ROR1: variants seen among roughly 807,000 people sequenced by gnomAD.
ROR1 encodes the protein inactive tyrosine-protein kinase transmembrane receptor ROR1.
In ROR1, 19 loss-of-function variants were observed where a neutral mutation model predicts 78.8. The observed-to-expected ratio is 0.24, with a 90% CI of 0.17 to 0.35. The LOEUF (loss-of-function observed/expected upper bound fraction) is 0.35, where lower values mean the gene tolerates loss of function less well. Ranked by LOEUF, ROR1 falls within the 10% of genes least tolerant of loss-of-function variation. The probability of loss-of-function intolerance (pLI) is 1.00; values close to 1 mark genes in which losing one functional copy is unlikely to be tolerated. For missense variants in ROR1, 917 were observed against 1,177.8 expected (o/e 0.78, Z 3.24); for synonymous variants, 386 against 433.6 (o/e 0.89, Z 1.36).
intron 4 of ROR1, chr1:64,094,565 GTTGTTTTTGTTTTGTT>G (rs1647247232): frequency 8.3e-6 from 1 of 120,024 alleles, no homozygotes; most frequent in Admixed American, 8.7e-5. Context: ...TGTGTGTTTT[GTTGTTTTTGTTTTGTT>G]TTGTTTTGTT....
At chr1:64,118,504 G>A (rs535278956) in intron 4 of ROR1, among the ~76,000 whole-genome samples, 55 of 151,972 alleles carry the variant, frequency 3.6e-4, no homozygotes, top group African/African-American at 1.1e-3. Context: ...GTGCATGCCT[G>A]TAATCCCAGC....
At chr1:64,067,530 C>T (rs1646967209) in intron 4 of ROR1, among the ~76,000 whole-genome samples, 1 of 149,566 alleles carries the variant, frequency 6.7e-6, no homozygotes, top group Admixed American at 6.7e-5. Flanking sequence ...GGTTCACATT[C>T]CCAAGTTATT....
intron 7 of ROR1, among the ~76,000 whole-genome samples, chr1:64,158,657 C>T (rs1054688303): frequency 5.3e-5 from 8 of 152,248 alleles, no homozygotes; most frequent in Admixed American, 2.0e-4. Context: ...ATTCACGTGG[C>T]GTTTAACTTT....
intron 4 of ROR1, among the ~76,000 whole-genome samples, chr1:64,108,060 TTGTGTGTGTGTGTGTGTGTGTG>T (rs3084945): frequency 4.1e-5 from 6 of 146,540 alleles, no homozygotes; most frequent in Admixed American, 3.4e-4. Context: ...TGTTTTCTTG[TTGTGTGTGTGTGTGTGTGTGTG>T]TGTGTGTGTG....
intron 1 of ROR1, among the ~76,000 whole-genome samples, chr1:63,903,070 C>T (rs1248610932): frequency 2.0e-5 from 3 of 152,178 alleles, no homozygotes; most frequent in Admixed American, 6.5e-5. Context: ...CACATGACCA[C>T]CCTCAGCTGC....
chr1:64,156,483 C>T (rs979610872), intron 7 of ROR1, among the ~76,000 whole-genome samples: 44 of 151,964 alleles, frequency 2.9e-4, no homozygotes, highest in African/African-American at 1.0e-3. Flanking sequence ...CCGAGGCAGG[C>T]GGATCACGAG....
intron 2 of ROR1, among the ~76,000 whole-genome samples, chr1:64,048,606 G>T (rs1397798968): frequency 6.6e-6 from 1 of 152,092 alleles, no homozygotes; most frequent in Non-Finnish European, 1.5e-5. Flanking sequence ...GTTTTTAAAA[G>T]AAATCAAACT....
At chr1:64,105,189 G>T (rs1647745690) in intron 4 of ROR1, 1 of 152,060 alleles carries the variant, frequency 6.6e-6, no homozygotes, top group Non-Finnish European at 1.5e-5. Context: ...TTGTGATTTT[G>T]ATTTGCATTT....
In ROR1 at chr1:64,013,189, G is replaced by T. The variant is rs567159694; in HGVS notation, c.163+3813G>T. On this transcript the variant is annotated intron_variant, in intron 2 of 8. Transcript: ENST00000371079. ...GTGATAGCTGTTTTGGGTTAATATG[G>T]TTATTACTTTGGGCTTGATATTAAA... Among the ~76,000 whole-genome samples the T allele has an allele frequency of 3.5e-4, 54 of 152,240 alleles. 2 individuals are homozygous for T. In the South Asian group the frequency reaches 0.011, roughly 30 times the overall value.
chr1:63,791,790 A>G (rs1245697753), intron 1 of ROR1, among the ~76,000 whole-genome samples: 3 of 152,130 alleles, frequency 2.0e-5, no homozygotes, highest in Non-Finnish European at 4.4e-5. Context: ...AGATTATAGG[A>G]GGTAAAGGCT....
chr1:63,886,330 C>A (rs957340620), intron 1 of ROR1, among the ~76,000 whole-genome samples: 4 of 152,158 alleles, frequency 2.6e-5, no homozygotes, highest in Non-Finnish European at 4.4e-5. Context: ...TGTGTTAGAC[C>A]ATTTCATATG....
chr1:63,776,565 G>GA (rs1471606945), intron 1 of ROR1, among the ~76,000 whole-genome samples: 1 of 152,132 alleles, frequency 6.6e-6, no homozygotes, highest in Non-Finnish European at 1.5e-5. Flanking sequence ...ACAATGTCTG[G>GA]AATCTATAGA....
Position 64,159,114 on chromosome 1 carries a change from G to T in ROR1, c.1308G>T (p.Ser436=), listed in dbSNP as rs113606454. The change falls in exon 8 of 9, where the codon TCG becomes TCT. Residue 436 remains serine (S), a synonymous_variant. Transcript: ENST00000371079. The part of the protein sequence containing the change: ...CVCRNNQKSS[S]APVQRQPKHV... ...GTCGGAATAACCAGAAGTCATCGTC[G>T]GCACCAGTCCAGAGGCAACCAAAAC... 6 of 1,613,906 alleles carry T rather than the reference G, an allele frequency of 3.7e-6. No homozygotes were observed. Among genetic ancestry groups the T allele is most frequent in the Non-Finnish European group, 5.1e-6 (6 of 1,180,014 alleles).
At chr1:64,165,062 C>T (rs1001174451) in intron 8 of ROR1, among the ~76,000 whole-genome samples, 3 of 152,056 alleles carry the variant, frequency 2.0e-5, no homozygotes, top group East Asian at 1.9e-4. Flanking sequence ...CTGCAGTGAA[C>T]GTATATGTGC....
intron 4 of ROR1, among the ~76,000 whole-genome samples, chr1:64,058,053 C>T (rs1295592319): frequency 6.6e-6 from 1 of 152,080 alleles, no homozygotes; most frequent in African/African-American, 2.4e-5. Context: ...GCTCTCTTTT[C>T]TTAAGTTTAT....
At chr1:63,806,300 T>C (rs1464798527) in intron 1 of ROR1, among the ~76,000 whole-genome samples, 1 of 151,592 alleles carries the variant, frequency 6.6e-6, no homozygotes, top group Non-Finnish European at 1.5e-5. Context: ...GTTAGCTTGT[T>C]TGTGACTGTC....
intron 4 of ROR1, among the ~76,000 whole-genome samples, chr1:64,085,650 T>C (rs1459480959): frequency 6.6e-6 from 1 of 152,100 alleles, no homozygotes; most frequent in Non-Finnish European, 1.5e-5. Context: ...GATAATATAG[T>C]TTCCCCAAGC....
At chr1:63,986,347 A>G (rs1361711267) in intron 1 of ROR1, among the ~76,000 whole-genome samples, 1 of 152,238 alleles carries the variant, frequency 6.6e-6, no homozygotes, top group East Asian at 1.9e-4. Flanking sequence ...TAGCATATAA[A>G]GCAGATATAA....
intron 1 of ROR1, among the ~76,000 whole-genome samples, chr1:63,942,396 G>C (rs1645847947): frequency 6.6e-6 from 1 of 151,760 alleles, no homozygotes. Context: ...TTAACCAGGT[G>C]TTTCTCCTCT....
Sources: gnomAD v4.1 joint callset for allele counts (sites outside exome capture counted in the v4.1 genomes callset) on GRCh38, gnomAD v4.1.1 for gene constraint, MANE v1.5 for transcripts, NCBI Gene and HGNC (gene_info 2026-07-23, HGNC 2026-07-21) for gene names.